HDAC9: variants seen among roughly 807,000 people sequenced by gnomAD.
The protein encoded by HDAC9 is histone deacetylase 9, also known as MEF-2 interacting transcription repressor (MITR) protein.
HDAC9 carries 41 observed loss-of-function variants against 139.4 expected under a neutral mutation model. The ratio of observed to expected loss-of-function variants is 0.29; its 90% CI spans 0.23 to 0.38. HDAC9 has a LOEUF of 0.38. Ranked by LOEUF, HDAC9 falls within the 10% of genes least tolerant of loss-of-function variation. The probability of loss-of-function intolerance (pLI) is 1.00; values close to 1 mark genes in which losing one functional copy is unlikely to be tolerated. For missense variants in HDAC9, 1,147 were observed against 1,297.0 expected (o/e 0.88, Z 1.78); for synonymous variants, 517 against 476.2 (o/e 1.09, Z -1.12).
At chr7:18,980,715 C>CTTCCT (rs1554418457) in intron 25 of HDAC9, among the ~76,000 whole-genome samples, 5 of 133,466 alleles carry the variant, frequency 3.7e-5, no homozygotes, top group Non-Finnish European at 8.0e-5. Context: ...TTCCTTCTTC[C>CTTCCT]TCTTCTTCTT....
intron 25 of HDAC9, among the ~76,000 whole-genome samples, chr7:18,980,979 A>G (rs1487763489): frequency 6.6e-6 from 1 of 151,726 alleles, no homozygotes; most frequent in Non-Finnish European, 1.5e-5. Context: ...ACGTGCCACC[A>G]TGGCCAGCTA....
chr7:18,748,909 A>G, intron 13 of HDAC9, 96 bp from the exon 14 acceptor site: 1 of 1,157,912 alleles, frequency 8.6e-7, no homozygotes, highest in South Asian at 1.6e-5. Context: ...TATTTTAAGA[A>G]TAATGACTTT....
rs1796170464 is a variant in HDAC9, at chr7:18,835,494, C to A, written c.2494C>A (p.Gln832Lys). The A allele has an allele frequency of 1.2e-6, 2 of 1,613,378 alleles. No individual in the cohort carries two copies. The highest frequency in any genetic ancestry group is 1.7e-6 in the Non-Finnish European group (2 of 1,179,536). ...TGTTCACCATGGAAACGGTACCCAG[C>A]AGGCCTTTTATGCTGACCCCAGCAT... ...LDVHHGNGTQ[Q>K]AFYADPSILY... The change falls in exon 20 of 26, where the codon CAG becomes AAG. Residue 832 changes from glutamine (Q) to lysine (K), a missense_variant. Around this residue, in one of 7 missense-constraint regions of HDAC9, gnomAD observed 407 missense variants for 521.5 expected, o/e 0.78. Transcript: ENST00000686413.
chr7:18,428,325 G>C (rs1428500012), intron 1 of HDAC9, among the ~76,000 whole-genome samples: 1 of 152,128 alleles, frequency 6.6e-6, no homozygotes, highest in Non-Finnish European at 1.5e-5. Context: ...ATAATCAACA[G>C]AGTGAAAAGG....
At chr7:18,695,199 T>G (rs1404364099) in intron 12 of HDAC9, among the ~76,000 whole-genome samples, 1 of 152,152 alleles carries the variant, frequency 6.6e-6, no homozygotes, top group African/African-American at 2.4e-5. Flanking sequence ...ATGATAACAC[T>G]ATTAGCAATG....
At chr7:18,367,927 T>C (rs1263189337) in intron 1 of HDAC9, among the ~76,000 whole-genome samples, 5 of 152,108 alleles carry the variant, frequency 3.3e-5, no homozygotes, top group African/African-American at 1.2e-4. Context: ...TGAGGTTGAG[T>C]ATCTTTTGAA....
chr7:18,936,087 T>C (rs1781610350), intron 23 of HDAC9, 145 bp downstream of exon 23: 3 of 751,986 alleles, frequency 4.0e-6, no homozygotes, highest in Non-Finnish European at 6.3e-6. Context: ...TTAGATAAGT[T>C]TACATGTTCT....
intron 24 of HDAC9, among the ~76,000 whole-genome samples, chr7:18,961,358 A>C (rs11980989): frequency 1.3e-5 from 2 of 152,178 alleles, no homozygotes; most frequent in African/African-American, 4.8e-5. Context: ...ATGGTAATTA[A>C]CTGACAGGGA....
chr7:18,887,483 T>C (rs1405868994), intron 22 of HDAC9, among the ~76,000 whole-genome samples: 1 of 152,186 alleles, frequency 6.6e-6, no homozygotes, highest in Non-Finnish European at 1.5e-5. Context: ...CTAACAGAAA[T>C]AGTACAAATC....
chr7:18,107,472 T>C (rs1783302713), intron 1 of HDAC9, among the ~76,000 whole-genome samples: 1 of 152,144 alleles, frequency 6.6e-6, no homozygotes, highest in East Asian at 1.9e-4. Flanking sequence ...CCTAATTAGA[T>C]GGCTTCATTG....
At chr7:18,610,479 C>A (rs1836814582) in intron 6 of HDAC9, among the ~76,000 whole-genome samples, 1 of 152,152 alleles carries the variant, frequency 6.6e-6, no homozygotes, top group South Asian at 2.1e-4. Context: ...TTTCCCCGGT[C>A]ATTCTGATAA....
intron 1 of HDAC9, among the ~76,000 whole-genome samples, chr7:18,293,027 C>T (rs923654677): frequency 2.0e-5 from 3 of 151,466 alleles, no homozygotes; most frequent in African/African-American, 7.3e-5. Flanking sequence ...GGGACATGGT[C>T]TAAAATTTAG....
intron 22 of HDAC9, among the ~76,000 whole-genome samples, chr7:18,913,141 T>C (rs1314234749): frequency 6.6e-6 from 1 of 152,102 alleles, no homozygotes. Flanking sequence ...ATATAAATAA[T>C]GCAAACTTTT....
rs557355794 is a variant in HDAC9 at position 18,904,792 on chromosome 7, G to A, written c.2803+30196G>A. Among the ~76,000 whole-genome samples, 499 of 152,042 alleles carry A rather than the reference G, an allele frequency of 3.3e-3. 6 individuals are homozygous for A. The highest frequency in any genetic ancestry group is 6.6e-3 in the South Asian group (32 of 4,822). On this transcript the variant is annotated intron_variant, in intron 22 of 25. Transcript: ENST00000686413. ...AGGTTTCACCATGTTAGCCAGGATGGTCTCGATCTCCTGACCTCGTGATCC... is the reference window on the plus strand; with the variant it reads ...AGGTTTCACCATGTTAGCCAGGATGATCTCGATCTCCTGACCTCGTGATCC...
intron 2 of HDAC9, among the ~76,000 whole-genome samples, chr7:18,543,989 T>A (rs1262772509): frequency 1.3e-5 from 2 of 152,158 alleles, no homozygotes; most frequent in East Asian, 3.8e-4. Context: ...GATAAAGTCC[T>A]GAGGCCACTG....
intron 1 of HDAC9, among the ~76,000 whole-genome samples, chr7:18,481,980 A>G (rs1795589018): frequency 6.6e-6 from 1 of 152,014 alleles, no homozygotes; most frequent in Non-Finnish European, 1.5e-5. Flanking sequence ...GGGTGACTTT[A>G]TGTGCCAAGT....
intron 2 of HDAC9, among the ~76,000 whole-genome samples, chr7:18,242,850 AG>A (rs1366837302): frequency 6.6e-6 from 1 of 152,178 alleles, no homozygotes; most frequent in Non-Finnish European, 1.5e-5. Flanking sequence ...TTAGAATGGA[AG>A]GGTCTTACTA....
At chr7:18,184,987 T>G (rs1584518190) in intron 2 of HDAC9, among the ~76,000 whole-genome samples, 1 of 152,214 alleles carries the variant, frequency 6.6e-6, no homozygotes, top group South Asian at 2.1e-4. Context: ...TAAAATGTGG[T>G]CTGCCTATGT....
chr7:18,257,277 G>A (rs780854027), intron 2 of HDAC9, among the ~76,000 whole-genome samples: 3 of 57,418 alleles, frequency 5.2e-5, no homozygotes, highest in African/African-American at 1.0e-4. Context: ...GAGGAGGATC[G>A]CTTGAGCTCA....
Sources: gnomAD v4.1 joint callset for allele counts (sites outside exome capture counted in the v4.1 genomes callset) on GRCh38, gnomAD v4.1.1 for gene constraint, gnomAD v4.1.1 regional missense constraint, MANE v1.5 for transcripts, NCBI Gene and HGNC (gene_info 2026-07-23, HGNC 2026-07-21) for gene names.